The following FBN3 variants were observed in gnomAD, a reference collection of about 807,000 sequenced individuals.
FBN3 encodes the protein fibrillin 3, also known as fibrillin-3.
FBN3 carries 234 observed loss-of-function variants against 330.1 expected under a neutral mutation model. That is an observed-to-expected ratio of 0.71 (90% confidence interval 0.64 to 0.79). The LOEUF (loss-of-function observed/expected upper bound fraction) is 0.79. FBN3 is among the 30% of genes least tolerant of loss of function. The pLI is 0.00. For synonymous variants in FBN3, 1,458 were observed against 1,517.3 expected, an observed-to-expected ratio of 0.96 and a Z score of 0.91; for missense variants, 3,606 against 3,886.9, an observed-to-expected ratio of 0.93 and a Z score of 1.92.
chr19:8,108,052 G>T, intron 37 of FBN3, 118 bp downstream of exon 37: 1 of 762,384 alleles, frequency 1.3e-6, no homozygotes, highest in Non-Finnish European at 2.1e-6. Context: ...CCTCCAGGTG[G>T]AAAGATCTGC....
At chr19:8,135,936 G>GGGGGGGGGCGGCCCCCCCCCCCCCCCC in intron 13 of FBN3, 25 bp downstream of exon 13, 1 of 668,778 alleles carries the variant, frequency 1.5e-6, no homozygotes, top group Non-Finnish European at 2.4e-6. Flanking sequence ...GGAAGCCCCT[G>GGGGGGGGGCGGCCCCCCCCCCCCCCCC]CCCACCCGCC....
chr19:8,087,287 G>A (rs934398056), intron 53 of FBN3, 76 bp from the exon 54 acceptor site: 30 of 1,461,268 alleles, frequency 2.1e-5, no homozygotes, highest in Middle Eastern at 2.5e-4. Context: ...TCCACCCTGC[G>A]TCAGCCCTGT....
At position 8,130,635 on chromosome 19, in the gene FBN3, A is replaced by AGGAAGGAAGGAAGGAAG. The variant is rs764420258; in HGVS notation, c.2044+599_2044+600insCTTCCTTCCTTCCTTCC. ...AAGAAAGAAAGAAAGAAAGAAAGAA[A>AGGAAGGAAGGAAGGAAG]GAAAGAAAGGAAAGGAAAGGAAAGG... is the stretch of plus-strand genomic sequence containing the variant. On this transcript the variant is annotated intron_variant, in intron 16 of 63. Coordinates refer to ENST00000600128, the MANE Select transcript of FBN3 (RefSeq NM_032447.5). Among the ~76,000 whole-genome samples, 2 of 4,898 alleles carry AGGAAGGAAGGAAGGAAG rather than the reference A, an allele frequency of 4.1e-4. 1 individual carries two copies. The highest frequency in any genetic ancestry group is 4.3e-3 in the African/African-American group (2 of 462). The allele number at this position is 4,898 out of a possible 152,430, so 3.2% of individuals were successfully genotyped here. A position where few individuals can be genotyped will look rare whatever the true frequency, so the allele number is the denominator to read the frequency against.
chr19:8,142,006 A>T lies in FBN3; in HGVS notation c.673T>A (p.Cys225Ser), dbSNP rs777689331. ...GRAWGLPCEL[C>S]PAQPHPCRRG... ...CGGCAGGGGTGTGGCTGTGCAGGGCAAAGTTCACATGGAAGGCCCCAGGCA... is the reference window on the plus strand; with the variant it reads ...CGGCAGGGGTGTGGCTGTGCAGGGCTAAGTTCACATGGAAGGCCCCAGGCA... Residue 225 changes from cysteine (C) to serine (S), a missense_variant, in exon 7 of 64, where the codon TGC (cysteine) becomes AGC (serine). By Grantham distance (112) the Cys-to-Ser change is moderately radical. Coordinates refer to ENST00000600128, the MANE Select transcript of FBN3 (RefSeq NM_032447.5). 4 of 1,614,204 alleles carry T rather than the reference A, an allele frequency of 2.5e-6. No individual in the cohort carries two copies. In the South Asian group the frequency reaches 4.4e-5, roughly 18 times the overall value.
At chr19:8,106,905 G>A (rs535504524) in intron 37 of FBN3, among the ~76,000 whole-genome samples, 4 of 151,806 alleles carry the variant, frequency 2.6e-5, no homozygotes, top group African/African-American at 9.7e-5. Context: ...GGGATAGATG[G>A]ATGGGTGAAT....
chr19:8,108,301 G>C, intron 36 of FBN3, 63 bp from the exon 37 acceptor site: 1 of 1,354,878 alleles, frequency 7.4e-7, no homozygotes, highest in Non-Finnish European at 1.0e-6. Flanking sequence ...GGAAACAGGG[G>C]AGCAACAGCA....
At chr19:8,070,404 T>C (rs2081485999) in intron 63 of FBN3, among the ~76,000 whole-genome samples, 1 of 152,230 alleles carries the variant, frequency 6.6e-6, no homozygotes, top group Non-Finnish European at 1.5e-5. Flanking sequence ...TGTTGTTCAC[T>C]GTTGCTCCAT....
Position 8,126,610 on chromosome 19 carries a change from G to A in FBN3, c.2417-5C>T, listed in dbSNP as rs1314540649. The A allele has an allele frequency of 1.2e-6, 2 of 1,608,244 alleles. No individual in the cohort carries two copies. The highest frequency in any genetic ancestry group is 1.7e-6 in the Non-Finnish European group (2 of 1,179,468). On this transcript the variant is annotated splice_region_variant and splice_polypyrimidine_tract_variant and intron_variant, in intron 19 of 63. Transcript: ENST00000600128. Reference sequence around the variant, plus strand: ...AGCAGGTGCCCTTGGTGCTGTCTGGGGAGAAGAGGCGGGTCACCTGTCTCA... The same window carrying A: ...AGCAGGTGCCCTTGGTGCTGTCTGGAGAGAAGAGGCGGGTCACCTGTCTCA...
At position 8,096,403 on chromosome 19, in the gene FBN3, G is replaced by C. The variant is rs779927454; in HGVS notation, c.5539+41C>G. The C allele has an allele frequency of 6.3e-7, 1 of 1,595,166 alleles. No individual in the cohort carries two copies. The highest frequency in any genetic ancestry group is 2.2e-5 in the East Asian group (1 of 44,516). On this transcript the variant is annotated intron_variant, in intron 44 of 63. Transcript: ENST00000600128. This position sits in a 1 kb window ranked among gnomAD's most constrained non-coding sequence, Gnocchi z 4.6. ...ATCCCAGGGGAGGTTTAGACCCCAG[G>C]CAGCCTGGCTTGAAAAGGAGGGGGA... is the stretch of plus-strand genomic sequence containing the variant.
At chr19:8,126,267 G>C in intron 21 of FBN3, 30 bp downstream of exon 21, 1 of 1,578,716 alleles carries the variant, frequency 6.3e-7, no homozygotes. Context: ...TCTGGAGTAG[G>C]GGGTGAGCTG....
At position 8,118,329 on chromosome 19, in the gene FBN3, G is replaced by A. The variant is rs534856229; in HGVS notation, c.3337+568C>T. 1.1e-4 allele frequency among the ~76,000 whole-genome samples: 16 copies of A among 151,968 alleles called. No homozygotes were observed. In the East Asian group the frequency reaches 1.2e-3, roughly 11 times the overall value. ...TCAGAAATTAGCCAGGCATAGTGGC[G>A]CATGCCTGTAGTCCCACCTACTTGG... On this transcript the variant is annotated intron_variant, in intron 26 of 63. Coordinates refer to ENST00000600128, the MANE Select transcript of FBN3 (RefSeq NM_032447.5).
chr19:8,148,076 CAGGGTAGG>C (rs2083592891), intron 1 of FBN3, among the ~76,000 whole-genome samples: 1 of 151,832 alleles, frequency 6.6e-6, no homozygotes, highest in Non-Finnish European at 1.5e-5. Context: ...AGAGAGCGTC[CAGGGTAGG>C]AGGAAGATGG....
At chr19:8,118,054 TAC>T (rs35347475) in intron 26 of FBN3, among the ~76,000 whole-genome samples, 27,922 of 150,594 alleles carry the variant, frequency 0.19, 2,731 homozygotes, top group Non-Finnish European at 0.23. Context: ...CACTCACACA[TAC>T]ACACACACCC....
In FBN3 at chr19:8,136,090, C is replaced by G; in HGVS notation, c.1466-4G>C. 6.2e-7 allele frequency: 1 copy of G among 1,613,700 alleles called. No homozygotes were observed. The highest frequency in any genetic ancestry group is 8.5e-7 in the Non-Finnish European group (1 of 1,179,756). ...CTGACAATGCACTCGTCCACATCTGCGGGGAAGGCAGGCGGGCAGTCAAGA... is the reference window on the plus strand; with the variant it reads ...CTGACAATGCACTCGTCCACATCTGGGGGGAAGGCAGGCGGGCAGTCAAGA... On this transcript the variant is annotated splice_region_variant and splice_polypyrimidine_tract_variant and intron_variant, in intron 12 of 63. Coordinates refer to ENST00000600128, the MANE Select transcript of FBN3 (RefSeq NM_032447.5).
intron 22 of FBN3, among the ~76,000 whole-genome samples, chr19:8,124,404 C>T (rs1006251901): frequency 2.7e-5 from 4 of 149,300 alleles, no homozygotes; most frequent in African/African-American, 7.4e-5. Context: ...CCACCACACC[C>T]GGCTGACTTT....
intron 57 of FBN3, among the ~76,000 whole-genome samples, chr19:8,081,926 C>T (rs927983610): frequency 2.0e-5 from 3 of 151,858 alleles, no homozygotes; most frequent in East Asian, 3.9e-4. Flanking sequence ...GGTGGGAGAA[C>T]GAAAGGATCC....
At chr19:8,086,564 C>A (rs1018096884) in intron 54 of FBN3, among the ~76,000 whole-genome samples, 2 of 150,002 alleles carry the variant, frequency 1.3e-5, no homozygotes, top group South Asian at 4.2e-4. Context: ...TCAAGAAATT[C>A]TTCTGCCTCA....
chr19:8,127,688 T>C (rs753476104), intron 18 of FBN3, among the ~76,000 whole-genome samples: 1 of 152,190 alleles, frequency 6.6e-6, no homozygotes, highest in Non-Finnish European at 1.5e-5. Flanking sequence ...TAGTTTATTA[T>C]AAAGGATATC....
chr19:8,126,488 G>C lies in FBN3; in HGVS notation c.2534C>G (p.Pro845Arg), dbSNP rs780706693. 1.9e-6 allele frequency: 3 copies of C among 1,613,098 alleles called. No individual in the cohort carries two copies. The East Asian group carries it at 6.7e-5, about 36-fold the overall frequency. Residue 845 changes from proline to arginine, a missense_variant, in exon 20 of 64, where the codon CCC becomes CGC. Physicochemically the swap from Pro to Arg is moderately radical, Grantham distance 103. Transcript: ENST00000600128. ...CATLGAAWGS[P>R]CERCEIDPAC... ...ACTACCGATCTCGCAGCGTTCGCAG[G>C]GGCTCCCCCAGGCTGCCCCGAGGGT...
Sources: gnomAD v4.1 joint callset for allele counts (sites outside exome capture counted in the v4.1 genomes callset) on GRCh38, gnomAD v4.1.1 for gene constraint, Gnocchi (gnomAD v3.1) non-coding constraint, MANE v1.5 for transcripts, NCBI Gene and HGNC (gene_info 2026-07-23, HGNC 2026-07-21) for gene names.